NFIC: variants seen among roughly 807,000 people sequenced by gnomAD.
NFIC encodes the protein nuclear factor 1 C-type.
In NFIC, 12 loss-of-function variants were observed where a neutral mutation model predicts 54.4. The observed-to-expected ratio is 0.22, with a 90% CI of 0.14 to 0.36. The LOEUF is 0.36. NFIC is among the 10% of genes least tolerant of loss of function. The probability of loss-of-function intolerance (pLI) is 1.00; values close to 1 mark genes in which losing one functional copy is unlikely to be tolerated. For missense variants in NFIC, 575 were observed against 718.2 expected (o/e 0.80, Z 2.28); for synonymous variants, 322 against 319.2 (o/e 1.01, Z -0.09).
intron 1 of NFIC, among the ~76,000 whole-genome samples, chr19:3,380,036 T>G (rs2081175546): frequency 1.3e-5 from 2 of 151,874 alleles, no homozygotes; most frequent in Admixed American, 6.6e-5. Context: ...AGTCTTGCTC[T>G]GTCGCCCAGG....
At chr19:3,362,820 G>A (rs991510040), upstream of NFIC, among the ~76,000 whole-genome samples, 1 of 152,100 alleles carries the variant, frequency 6.6e-6, no homozygotes, top group Non-Finnish European at 1.5e-5. Flanking sequence ...GAGGCTGACT[G>A]CACACTGCAC....
At chr19:3,416,056 G>A (rs148010622) in intron 2 of NFIC, among the ~76,000 whole-genome samples, 17 of 151,760 alleles carry the variant, frequency 1.1e-4, no homozygotes, top group Non-Finnish European at 1.9e-4. Flanking sequence ...CCGGCTACTT[G>A]GGAAAAGAAG....
rs1390735880 is a variant in NFIC at position 3,435,190 on chromosome 19, C to T, written c.941C>T (p.Thr314Met). The part of the protein sequence containing the change: ...SSPTSSSRNW[T>M]EDMEGGISSP... ...CCCACGAGTAGCAGCCGCAACTGGA[C>T]GGAGGACATGGAAGGAGGTAGGGCT... The change falls in exon 6 of 11, where the codon ACG becomes ATG. Residue 314 changes from threonine (T) to methionine (M), a missense_variant. Around this residue, in one of 3 missense-constraint regions of NFIC, gnomAD observed 447 missense variants for 526.9 expected, o/e 0.85. Transcript: ENST00000443272. 8 of 1,604,434 alleles carry T rather than the reference C, an allele frequency of 5.0e-6. No homozygotes were observed. Among genetic ancestry groups the T allele is most frequent in the Non-Finnish European group, 6.8e-6 (8 of 1,175,554 alleles).
intron 6 of NFIC, among the ~76,000 whole-genome samples, chr19:3,438,711 A>T (rs1172533098): frequency 6.6e-6 from 1 of 151,890 alleles, no homozygotes; most frequent in Non-Finnish European, 1.5e-5. Context: ...TGCTGGGATT[A>T]CAGGCGTGAG....
Position 3,458,676 on chromosome 19 carries a change from T to G in NFIC, c.1509+2041T>G, listed in dbSNP as rs576437847. 2.7e-3 allele frequency among the ~76,000 whole-genome samples: 285 copies of G among 105,714 alleles called. 3 individuals are homozygous for G. Among genetic ancestry groups the G allele is most frequent in the African/African-American group, 9.7e-3 (271 of 27,936 alleles). The allele number at this position is 105,714 out of a possible 152,430, so 69.4% of individuals were successfully genotyped here. ...GGCTCAGCATAGGCAATGGTGTGGG[T>G]CGGGGGAGGGGGAGCTGGCTGGAAT... On this transcript the variant is annotated intron_variant, in intron 10 of 10. Transcript: ENST00000443272. The surrounding 1 kb of genome is among the most constrained non-coding windows in gnomAD (Gnocchi z 4.1).
chr19:3,380,309 C>CTTTTTTTT lies in NFIC; in HGVS notation c.31-1385_31-1378dup, dbSNP rs529220524. ...GTGAGCCACCGTGCCCAGCCTTGTT[C>CTTTTTTTT]TTTTTTTTTTTTTTTTTTTTTTTTT... On this transcript the variant is annotated intron_variant, in intron 1 of 10. Coordinates refer to ENST00000443272, the MANE Select transcript of NFIC (RefSeq NM_001245002.2). Among the ~76,000 whole-genome samples the CTTTTTTTT allele has an allele frequency of 1.9e-3, 122 of 65,140 alleles. 5 individuals are homozygous for CTTTTTTTT. Among genetic ancestry groups the CTTTTTTTT allele is most frequent in the African/African-American group, 2.5e-3 (35 of 14,184 alleles). The allele number at this position is 65,140 out of a possible 152,430, so 42.7% of individuals were successfully genotyped here.
chr19:3,437,465 C>T (rs1180970541), intron 6 of NFIC, among the ~76,000 whole-genome samples: 1 of 152,016 alleles, frequency 6.6e-6, no homozygotes, highest in African/African-American at 2.4e-5. Flanking sequence ...GTGTGGGCTC[C>T]CAGAGCAGGA....
chr19:3,389,289 G>A (rs1281360978), intron 2 of NFIC, among the ~76,000 whole-genome samples: 4 of 152,204 alleles, frequency 2.6e-5, no homozygotes, highest in African/African-American at 4.8e-5. Context: ...GTCAGCCACA[G>A]TGCTGCCCTG....
In NFIC at chr19:3,465,155, A is replaced by AG. The variant is rs1199124478; in HGVS notation, c.*2386_*2387insG. The AG allele has an allele frequency of 1.4e-5, 2 of 147,944 alleles. No individual in the cohort carries two copies. The highest frequency in any genetic ancestry group is 3.9e-4 in the East Asian group (2 of 5,108). The allele number at this position is 147,944 out of a possible 1,614,324, so 9.2% of individuals were successfully genotyped here. A position where few individuals can be genotyped will look rare whatever the true frequency, so the allele number is the denominator to read the frequency against. On this transcript the variant is annotated 3_prime_UTR_variant, in exon 11 of 11. Coordinates refer to ENST00000443272, the MANE Select transcript of NFIC (RefSeq NM_001245002.2). ...CTCCACCCCCCACTTCCTCTTTAAA[A>AG]AAAAAAAAAAAAAAAAAAAGATACA...
Position 3,459,049 on chromosome 19 carries a change from C to G in NFIC, c.1509+2414C>G, listed in dbSNP as rs968694727. 6.6e-5 allele frequency among the ~76,000 whole-genome samples: 10 copies of G among 152,092 alleles called. No individual in the cohort carries two copies. The highest frequency in any genetic ancestry group is 4.1e-4 in the South Asian group (2 of 4,834). ...AGGGAAGAAGCAGTGAGATCCCGCT[C>G]TCCCCTCTCCCAGCTCCCGCTCAAA... On this transcript the variant is annotated intron_variant, in intron 10 of 10. Coordinates refer to ENST00000443272, the MANE Select transcript of NFIC (RefSeq NM_001245002.2). The surrounding 1 kb of genome is among the most constrained non-coding windows in gnomAD (Gnocchi z 4.2).
chr19:3,449,424 C>T lies in NFIC; in HGVS notation c.1084+285C>T, dbSNP rs529418698. Among the ~76,000 whole-genome samples, 12 of 152,094 alleles carry T rather than the reference C, an allele frequency of 7.9e-5. 1 individual carries two copies. Among genetic ancestry groups the T allele is most frequent in the African/African-American group, 2.9e-4 (12 of 41,490 alleles). On this transcript the variant is annotated intron_variant, in intron 7 of 10. Transcript: ENST00000443272. ...CCTCACCCCCGTCTCAATCTAATCC[C>T]CCCATTCCAACCCCAGACACTGATG...
upstream of NFIC, among the ~76,000 whole-genome samples, chr19:3,364,227 G>A (rs928860789): frequency 2.0e-5 from 3 of 151,166 alleles, no homozygotes; most frequent in Admixed American, 1.3e-4. Flanking sequence ...CCCATCTTCC[G>A]GGCCCTCCAC....
intron 6 of NFIC, 115 bp from the exon 7 acceptor site, chr19:3,448,899 T>A (rs2082412465): frequency 6.9e-7 from 1 of 1,450,014 alleles, no homozygotes; most frequent in South Asian, 1.4e-5. Flanking sequence ...GATTCTGGGG[T>A]AAGAGGAGGC....
In NFIC at chr19:3,390,721, G is replaced by A. The variant is rs2081363478; in HGVS notation, c.562+8478G>A. 2.0e-5 allele frequency among the ~76,000 whole-genome samples: 3 copies of A among 152,200 alleles called. No homozygotes were observed. The South Asian group carries it at 6.2e-4, about 32-fold the overall frequency. ...AGGGAATCCCAACATGGGCCACAAT[G>A]TGGATGCATCTTGAGGATGTCACAC... is the stretch of plus-strand genomic sequence containing the variant. On this transcript the variant is annotated intron_variant, in intron 2 of 10. Coordinates refer to ENST00000443272, the MANE Select transcript of NFIC (RefSeq NM_001245002.2).
At chr19:3,460,617 G>A (rs1249588899) in intron 10 of NFIC, among the ~76,000 whole-genome samples, 1 of 152,010 alleles carries the variant, frequency 6.6e-6, no homozygotes, top group Non-Finnish European at 1.5e-5. Context: ...GGATTCAGAC[G>A]ATTCTGCTGC....
rs1004489853 is a variant in NFIC at position 3,465,450 on chromosome 19, AAAAAG to A, written c.*2682_*2686del. 14 of 149,558 alleles carry A rather than the reference AAAAAG, an allele frequency of 9.4e-5. No individual in the cohort carries two copies. Among genetic ancestry groups the A allele is most frequent in the Non-Finnish European group, 1.8e-4 (12 of 67,206 alleles). 9.3% of individuals were successfully genotyped at this position (149,558 alleles called of 1,614,324 possible). On this transcript the variant is annotated 3_prime_UTR_variant, in exon 11 of 11. Coordinates refer to ENST00000443272, the MANE Select transcript of NFIC (RefSeq NM_001245002.2). Reference sequence around the variant, plus strand: ...GAATCTAAAAAAAAAAAAAAAAAAAAAAAAGGAAGAAAAACCACGCTAAAAATCAA... The same window carrying A: ...GAATCTAAAAAAAAAAAAAAAAAAAAGAAGAAAAACCACGCTAAAAATCAA...
At position 3,464,819 on chromosome 19, in the gene NFIC, C is replaced by G. The variant is rs1170220202; in HGVS notation, c.*2050C>G. The G allele has an allele frequency of 5.0e-6, 3 of 601,108 alleles. No homozygotes were observed. The highest frequency in any genetic ancestry group is 4.2e-5 in the African/African-American group (2 of 47,928). The allele number at this position is 601,108 out of a possible 1,614,324, so 37.2% of individuals were successfully genotyped here. The stretch of plus-strand genomic sequence containing the variant: ...TCCCTCCGTCCGTCTGTCCTCGGGG[C>G]CCGCTCCCCCGGTGGCCCTTGGGGA... On this transcript the variant is annotated 3_prime_UTR_variant, in exon 11 of 11. Coordinates refer to ENST00000443272, the MANE Select transcript of NFIC (RefSeq NM_001245002.2).
chr19:3,440,405 G>A (rs2082275389), intron 6 of NFIC, among the ~76,000 whole-genome samples: 1 of 151,546 alleles, frequency 6.6e-6, no homozygotes, highest in Admixed American at 6.6e-5. Context: ...TGGGGAGAAG[G>A]TGCGTGACCC....
At chr19:3,399,744 G>T (rs2081524494) in intron 2 of NFIC, among the ~76,000 whole-genome samples, 1 of 151,908 alleles carries the variant, frequency 6.6e-6, no homozygotes, top group Admixed American at 6.6e-5. Flanking sequence ...TGTGGTGGGA[G>T]CCTGTAATCC....
Sources: allele counts gnomAD v4.1 joint callset (sites outside exome capture counted in the v4.1 genomes callset), GRCh38; gene constraint gnomAD v4.1.1; regional missense constraint gnomAD v4.1.1; non-coding constraint Gnocchi (gnomAD v3.1); transcripts MANE v1.5; gene names NCBI Gene and HGNC (gene_info 2026-07-23, HGNC 2026-07-21).